DSCAM: variants seen among roughly 807,000 people sequenced by gnomAD.
DSCAM encodes cell adhesion molecule DSCAM.
A neutral mutation model predicts 217.7 loss-of-function variants in DSCAM; 47 were observed. The ratio of observed to expected loss-of-function variants is 0.22; its 90% confidence interval spans 0.17 to 0.28. The LOEUF (loss-of-function observed/expected upper bound fraction) is 0.28, where lower values mean the gene tolerates loss of function less well. Among genes scored for constraint, DSCAM ranks in the 10% least tolerant of loss-of-function variants. The pLI is 1.00. For synonymous variants in DSCAM, 1,056 were observed against 1,015.3 expected, an observed-to-expected ratio of 1.04 and a Z score of -0.76; for missense variants, 2,080 against 2,618.3, an observed-to-expected ratio of 0.79 and a Z score of 4.49.
At chr21:40,640,021 C>T (rs746080872) in intron 3 of DSCAM, among the ~76,000 whole-genome samples, 15 of 152,148 alleles carry the variant, frequency 9.9e-5, no homozygotes, top group Non-Finnish European at 1.8e-4. Flanking sequence ...GCTGAGCTAG[C>T]GCCATGCACA....
At chr21:40,835,804 T>C (rs2092051269) in intron 1 of DSCAM, among the ~76,000 whole-genome samples, 1 of 152,212 alleles carries the variant, frequency 6.6e-6, no homozygotes, top group Non-Finnish European at 1.5e-5. Context: ...AAAAAATTAA[T>C]CTGCCACCAA....
intron 1 of DSCAM, among the ~76,000 whole-genome samples, 153 bp downstream of exon 1, chr21:40,846,466 A>G (rs1210483297): frequency 6.6e-6 from 1 of 152,032 alleles, no homozygotes; most frequent in Non-Finnish European, 1.5e-5. Flanking sequence ...TAAATATGAT[A>G]TTTAAAAAAT....
At chr21:40,106,237 T>C (rs747476320) in intron 20 of DSCAM, among the ~76,000 whole-genome samples, 73 of 152,284 alleles carry the variant, frequency 4.8e-4, no homozygotes, top group Non-Finnish European at 7.2e-4. Context: ...TCCGCCCCCA[T>C]GATTCAATTA....
In DSCAM at chr21:40,168,017, C is replaced by T. The variant is rs868217182; in HGVS notation, c.2948-729G>A. ...CAGACGTTGCAGTAAGCCGAGATTG[C>T]GCCACTGCACTCCAGCCTGGGCGAC... On this transcript the variant is annotated intron_variant, in intron 15 of 32. Coordinates refer to ENST00000400454, the MANE Select transcript of DSCAM (RefSeq NM_001389.5). Among the ~76,000 whole-genome samples the T allele has an allele frequency of 4.6e-5, 7 of 152,104 alleles. No homozygotes were observed. In the East Asian group the frequency reaches 7.7e-4, roughly 17 times the overall value.
chr21:40,581,293 C>G (rs137929712), intron 3 of DSCAM, among the ~76,000 whole-genome samples: 1 of 152,184 alleles, frequency 6.6e-6, no homozygotes. Flanking sequence ...GTTCCATGGG[C>G]TGAGCAGCTG....
Position 40,790,635 on chromosome 21 carries a change from T to C in DSCAM, c.43+55984A>G, listed in dbSNP as rs564032867. 2.0e-5 allele frequency among the ~76,000 whole-genome samples: 3 copies of C among 152,246 alleles called. No individual in the cohort carries two copies. In the East Asian group the frequency reaches 5.8e-4, roughly 29 times the overall value. On this transcript the variant is annotated intron_variant, in intron 1 of 32. Coordinates refer to ENST00000400454, the MANE Select transcript of DSCAM (RefSeq NM_001389.5). ...ACTTGTGGAGGGAGTAATTGTGTGT[T>C]ATGAGGGTGTGTGTGCACATGTGTA...
chr21:40,131,227 G>A (rs925545357), intron 19 of DSCAM, among the ~76,000 whole-genome samples: 2 of 152,132 alleles, frequency 1.3e-5, no homozygotes, highest in Non-Finnish European at 2.9e-5. Context: ...ATTGTCCTTT[G>A]TCCCTTCTTC....
At chr21:40,436,143 T>C (rs143588402) in intron 3 of DSCAM, among the ~76,000 whole-genome samples, 56 of 152,348 alleles carry the variant, frequency 3.7e-4, no homozygotes, top group Non-Finnish European at 7.2e-4. Context: ...TATCAGGACA[T>C]AACCCCATCA....
At chr21:40,100,459 G>T (rs991177266) in intron 20 of DSCAM, among the ~76,000 whole-genome samples, 1 of 152,092 alleles carries the variant, frequency 6.6e-6, no homozygotes, top group African/African-American at 2.4e-5. Flanking sequence ...TTGGATACCA[G>T]ATTTTCCAAC....
At chr21:40,619,893 C>G (rs753022917) in intron 3 of DSCAM, among the ~76,000 whole-genome samples, 1 of 139,986 alleles carries the variant, frequency 7.1e-6, no homozygotes, top group Non-Finnish European at 1.5e-5. Context: ...ATCATTTAAA[C>G]CGTATGAGAT....
rs975916619 is a variant in DSCAM at position 40,438,910 on chromosome 21, AT to A, written c.509-69666del. ...ACATCTTAGATTTATAAATTTTACAATTTTTTTTTTCTGGAAGGTAGCCATA... is the reference window on the plus strand; with the variant it reads ...ACATCTTAGATTTATAAATTTTACAATTTTTTTTTCTGGAAGGTAGCCATA... On this transcript the variant is annotated intron_variant, in intron 3 of 32. Coordinates refer to ENST00000400454, the MANE Select transcript of DSCAM (RefSeq NM_001389.5). Among the ~76,000 whole-genome samples, 510 of 150,370 alleles carry A rather than the reference AT, an allele frequency of 3.4e-3. 5 individuals are homozygous for A. The highest frequency in any genetic ancestry group is 0.01 in the African/African-American group (414 of 41,060).
chr21:40,830,563 T>C (rs2092004626), intron 1 of DSCAM, among the ~76,000 whole-genome samples: 1 of 152,202 alleles, frequency 6.6e-6, no homozygotes, highest in African/African-American at 2.4e-5. Context: ...GGAAGTCAAG[T>C]GCAGGAGTTC....
At chr21:40,623,339 G>T (rs1388248475) in intron 3 of DSCAM, among the ~76,000 whole-genome samples, 1 of 152,156 alleles carries the variant, frequency 6.6e-6, no homozygotes, top group Non-Finnish European at 1.5e-5. Context: ...TTTCCTGAGT[G>T]CAGTGAACTT....
rs2076567368 is a variant in DSCAM, at chr21:40,544,659, C to T, written c.508+148151G>A. On this transcript the variant is annotated intron_variant, in intron 3 of 32. Transcript: ENST00000400454. ...TTCAGAAAGAGCTCGACCCTGCTGA[C>T]ACCTTGATTTTGAACTTCCCACCTC... 1.3e-5 allele frequency among the ~76,000 whole-genome samples: 2 copies of T among 152,198 alleles called. 1 individual carries two copies. The highest frequency in any genetic ancestry group is 4.1e-4 in the South Asian group (2 of 4,830).
intron 20 of DSCAM, among the ~76,000 whole-genome samples, chr21:40,103,793 CATAT>C (rs756276473): frequency 1.4e-4 from 20 of 146,948 alleles, no homozygotes; most frequent in African/African-American, 4.7e-4. Flanking sequence ...TATATATGAC[CATAT>C]ATATATATAT....
chr21:40,030,387 G>A (rs1441016647), intron 32 of DSCAM, among the ~76,000 whole-genome samples: 2 of 152,134 alleles, frequency 1.3e-5, no homozygotes, highest in Non-Finnish European at 2.9e-5. Flanking sequence ...AGCAAATCCA[G>A]GAAGGGGATA....
chr21:40,186,123 G>A (rs1396424194), intron 14 of DSCAM, among the ~76,000 whole-genome samples: 1 of 152,100 alleles, frequency 6.6e-6, no homozygotes, highest in African/African-American at 2.4e-5. Flanking sequence ...CTGTTCTCCT[G>A]AATTCCCGAA....
intron 3 of DSCAM, among the ~76,000 whole-genome samples, chr21:40,401,965 C>T (rs570979836): frequency 3.3e-5 from 5 of 151,710 alleles, no homozygotes; most frequent in Non-Finnish European, 2.9e-5. Flanking sequence ...AATGTTTCCC[C>T]CTTTTAAGTT....
chr21:40,440,972 T>G (rs57049018), intron 3 of DSCAM, among the ~76,000 whole-genome samples: 1 of 152,052 alleles, frequency 6.6e-6, no homozygotes, highest in African/African-American at 2.4e-5. Context: ...CAGGCAAGTT[T>G]GGGGTCTGCA....
Sources: allele counts gnomAD v4.1 joint callset (sites outside exome capture counted in the v4.1 genomes callset), GRCh38; gene constraint gnomAD v4.1.1; transcripts MANE v1.5; gene names NCBI Gene and HGNC (gene_info 2026-07-23, HGNC 2026-07-21).